OTOG: variants seen among roughly 807,000 people sequenced by gnomAD.
The protein encoded by OTOG is otogelin.
In OTOG, 296 loss-of-function variants were observed where a neutral mutation model predicts 313.8. The observed-to-expected ratio is 0.94, with a 90% CI of 0.86 to 1.04. The LOEUF (loss-of-function observed/expected upper bound fraction) is 1.04, where lower values mean the gene tolerates loss of function less well. Ranked by LOEUF, OTOG falls within the 50% of genes least tolerant of loss-of-function variation. The pLI is 0.00. For synonymous variants in OTOG, 1,533 were observed against 1,554.9 expected, an observed-to-expected ratio of 0.99 and a Z score of 0.33; for missense variants, 3,948 against 3,840.1, an observed-to-expected ratio of 1.03 and a Z score of -0.74.
At position 17,547,470 on chromosome 11, in the gene OTOG, A is replaced by C. The variant is rs1851832844; in HGVS notation, c.94+4A>C. 1 of 1,368,840 alleles carries C rather than the reference A, an allele frequency of 7.3e-7. No individual in the cohort carries two copies. 84.8% of individuals were successfully genotyped at this position (1,368,840 alleles called of 1,614,324 possible). Reference sequence around the variant, plus strand: ...TCCCTGCGGGTGCAGCGCCTCGGTGAGAGGGTTGTGGACTCAGGGAGGTCG... The same window carrying C: ...TCCCTGCGGGTGCAGCGCCTCGGTGCGAGGGTTGTGGACTCAGGGAGGTCG... On this transcript the variant is annotated splice_donor_region_variant and intron_variant, in intron 1 of 55. Transcript: ENST00000399397.
chr11:17,599,729 G>A, intron 31 of OTOG, 32 bp downstream of exon 31: 1 of 1,548,868 alleles, frequency 6.5e-7, no homozygotes, highest in East Asian at 2.4e-5. Context: ...AGAGTCTCAG[G>A]GGCTCAGGCA....
Position 17,614,622 on chromosome 11 carries a change from C to G in OTOG, c.6528+921C>G, listed in dbSNP as rs187765652. Among the ~76,000 whole-genome samples the G allele has an allele frequency of 2.0e-3, 299 of 152,232 alleles. 2 individuals carry two copies. The highest frequency in any genetic ancestry group is 7.0e-3 in the African/African-American group (290 of 41,550). On this transcript the variant is annotated intron_variant, in intron 39 of 55. Transcript: ENST00000399397. ...ACCCCTCCCCCCTCCTGCTGACAAC[C>G]ATTGCCCGCTGCCCCTATAGTTATG... is the stretch of plus-strand genomic sequence containing the variant.
intron 3 of OTOG, 40 bp from the exon 4 acceptor site, chr11:17,551,960 G>C (rs1250308816): frequency 2.6e-6 from 4 of 1,537,640 alleles, no homozygotes; most frequent in Admixed American, 2.0e-5. Flanking sequence ...CCGTCCTGAG[G>C]TCAGCCCTCG....
In OTOG at chr11:17,633,816, C is replaced by T. The variant is rs56236649; in HGVS notation, c.7209C>T (p.Ser2403=). 723 of 1,550,180 alleles carry T rather than the reference C, an allele frequency of 4.7e-4. No individual in the cohort carries two copies. Among genetic ancestry groups the T allele is most frequent in the Non-Finnish European group, 5.6e-4 (645 of 1,146,902 alleles). Residue 2403 remains serine, a synonymous_variant, in exon 43 of 56, where the codon TCC becomes TCT. Coordinates refer to ENST00000399397, the MANE Select transcript of OTOG (RefSeq NM_001292063.2). ...TGCTGGGCGAGGGCTGCGTCTGCTC[C>T]GAGGGCACCATCTTACACCGGCGCC... ...CQVLGEGCVC[S]EGTILHRRHS... is the part of the protein sequence containing the mutation.
At position 17,606,127 on chromosome 11, in the gene OTOG, G is replaced by A. The variant is rs758204301; in HGVS notation, c.4148G>A (p.Arg1383His). The A allele has an allele frequency of 2.7e-5, 41 of 1,534,238 alleles. No homozygotes were observed. Among genetic ancestry groups the A allele is most frequent in the South Asian group, 2.3e-4 (19 of 82,252 alleles). ...TEVFRRGTLF[R>H]LLDAKPSGAA... ...GTGTTCCGCCGGGGCACACTCTTCC[G>A]CCTTCTGGGTAGGCGACCCCCTGCC... Residue 1383 changes from arginine to histidine, a missense_variant, in exon 33 of 56, where the codon CGC becomes CAC. By Grantham distance (29) the Arg-to-His change is conservative. Coordinates refer to ENST00000399397, the MANE Select transcript of OTOG (RefSeq NM_001292063.2).
chr11:17,578,389 A>C lies in OTOG; in HGVS notation c.2622A>C (p.Ala874=), dbSNP rs1182280100. 3 of 1,522,790 alleles carry C rather than the reference A, an allele frequency of 2.0e-6. No individual in the cohort carries two copies. The highest frequency in any genetic ancestry group is 2.6e-6 in the Non-Finnish European group (3 of 1,136,256). 94.3% of individuals were successfully genotyped at this position (1,522,790 alleles called of 1,614,324 possible). A position where few individuals can be genotyped will look rare whatever the true frequency, so the allele number is the denominator to read the frequency against. The change falls in exon 23 of 56, where the codon GCA becomes GCC. Residue 874 remains alanine (A), a synonymous_variant. Coordinates refer to ENST00000399397, the MANE Select transcript of OTOG (RefSeq NM_001292063.2). ...DSRAPAAACP[A]GQVFVNCSDL... is the part of the protein sequence containing the mutation. ...CTCTTCCAGCTGCTGCCTGCCCAGC[A>C]GGCCAGGTCTTCGTGAACTGCAGCG...
rs1441800304 is a variant in OTOG at position 17,561,486 on chromosome 11, TCTGGGGACAAGC to T, written c.1499-172_1499-161del. 2.0e-5 allele frequency among the ~76,000 whole-genome samples: 3 copies of T among 152,084 alleles called. No individual in the cohort carries two copies. In the East Asian group the frequency reaches 5.8e-4, roughly 29 times the overall value. On this transcript the variant is annotated intron_variant, in intron 14 of 55. Transcript: ENST00000399397. ...GGCTGTACCTCTCTTCAAGGAGTTC[TCTGGGGACAAGC>T]CTGTGTCTCCCACTGCCCAGGGCTC...
intron 15 of OTOG, among the ~76,000 whole-genome samples, chr11:17,563,740 G>A (rs1852240654): frequency 6.6e-6 from 1 of 151,832 alleles, no homozygotes; most frequent in Admixed American, 6.6e-5. Flanking sequence ...GAGTGCAGTG[G>A]CGCAATCTCA....
Position 17,576,861 on chromosome 11 carries a change from T to C in OTOG, c.2562-7T>C. On this transcript the variant is annotated splice_region_variant and splice_polypyrimidine_tract_variant and intron_variant, in intron 21 of 55. Transcript: ENST00000399397. ...CGGCTAACCCCAGGGCCCGTCTCTC[T>C]CTGCAGCCACTGCAAAGATGGAGTC... 2 of 1,550,354 alleles carry C rather than the reference T, an allele frequency of 1.3e-6. No individual in the cohort carries two copies. The highest frequency in any genetic ancestry group is 1.7e-6 in the Non-Finnish European group (2 of 1,146,934).
intron 2 of OTOG, 23 bp downstream of exon 2, chr11:17,548,010 G>T: frequency 1.1e-6 from 1 of 878,558 alleles, no homozygotes; most frequent in East Asian, 2.9e-5. Flanking sequence ...GAGCTGTGGC[G>T]GCCCCACCCA....
At position 17,582,896 on chromosome 11, in the gene OTOG, A is replaced by G. The variant is rs1852705303; in HGVS notation, c.2760-3578A>G. ...TATGTATTGCAAATATTTTCTCCCA[A>G]TGTGTGTTTACCTATTTATTTACTT... On this transcript the variant is annotated intron_variant, in intron 23 of 55. Coordinates refer to ENST00000399397, the MANE Select transcript of OTOG (RefSeq NM_001292063.2). Among the ~76,000 whole-genome samples the G allele has an allele frequency of 2.6e-5, 4 of 152,166 alleles. No individual in the cohort carries two copies. The South Asian group carries it at 8.3e-4, about 32-fold the overall frequency.
At chr11:17,570,178 C>T in intron 16 of OTOG, 35 bp from the exon 17 acceptor site, 1 of 1,534,734 alleles carries the variant, frequency 6.5e-7, no homozygotes, top group African/African-American at 1.4e-5. Flanking sequence ...GTACTGGCTG[C>T]CCTCCCACTC....
At chr11:17,644,493 G>A (rs1307191792) in intron 54 of OTOG, among the ~76,000 whole-genome samples, 2 of 152,242 alleles carry the variant, frequency 1.3e-5, no homozygotes, top group Non-Finnish European at 2.9e-5. Flanking sequence ...CGCCAACTAT[G>A]TGCCAGACAC....
rs1852168162 is a variant in OTOG at position 17,560,933 on chromosome 11, G to A, written c.1451+116G>A. On this transcript the variant is annotated intron_variant, in intron 13 of 55. Coordinates refer to ENST00000399397, the MANE Select transcript of OTOG (RefSeq NM_001292063.2). ...GTCGGGGCACTCACTCAGTACCTTT[G>A]AGTCCCAGGGGAGTCTCATTAGATC... is the stretch of plus-strand genomic sequence containing the variant. 3 of 1,180,274 alleles carry A rather than the reference G, an allele frequency of 2.5e-6. No homozygotes were observed. In the Admixed American group the frequency reaches 6.1e-5, roughly 24 times the overall value. The allele number at this position is 1,180,274 out of a possible 1,614,324, so 73.1% of individuals were successfully genotyped here. A position where few individuals can be genotyped will look rare whatever the true frequency, so the allele number is the denominator to read the frequency against.
At chr11:17,561,836 C>G in intron 15 of OTOG, 29 bp downstream of exon 15, 1 of 1,549,384 alleles carries the variant, frequency 6.5e-7, no homozygotes, top group Non-Finnish European at 8.7e-7. Context: ...CAGGCCCGAT[C>G]CACCCAGCTA....
intron 45 of OTOG, 61 bp from the exon 46 acceptor site, chr11:17,635,019 G>T (rs1854228683): frequency 6.5e-7 from 1 of 1,531,652 alleles, no homozygotes; most frequent in Admixed American, 2.0e-5. Context: ...TCTGGGGGCA[G>T]GGGCCCAGGG....
At chr11:17,639,498 C>T (rs1296175550) in intron 49 of OTOG, 35 bp downstream of exon 49, 1 of 1,546,102 alleles carries the variant, frequency 6.5e-7, no homozygotes, top group Non-Finnish European at 8.7e-7. Context: ...ACTCCCTGGT[C>T]TGCTCCCCTT....
intron 5 of OTOG, 42 bp downstream of exon 5, chr11:17,553,253 T>G (rs1235527790): frequency 3.2e-6 from 5 of 1,543,038 alleles, no homozygotes; most frequent in Non-Finnish European, 4.4e-6. Context: ...GGGACCTGGG[T>G]GCAGGGAAAG....
intron 53 of OTOG, 60 bp from the exon 54 acceptor site, chr11:17,643,401 G>T: frequency 8.3e-7 from 1 of 1,207,600 alleles, no homozygotes; most frequent in Non-Finnish European, 1.1e-6. Context: ...TGGGATCTTG[G>T]CTCCCGGCCT....
Sources: allele counts gnomAD v4.1 joint callset (sites outside exome capture counted in the v4.1 genomes callset), GRCh38; gene constraint gnomAD v4.1.1; transcripts MANE v1.5; gene names NCBI Gene and HGNC (gene_info 2026-07-23, HGNC 2026-07-21).